The following IMMT variants were observed in gnomAD, a reference collection of about 807,000 sequenced individuals.
IMMT encodes inner membrane mitochondrial protein.
A neutral mutation model predicts 92.7 loss-of-function variants in IMMT; 40 were observed. The observed-to-expected ratio is 0.43, with a 90% CI of 0.34 to 0.56. IMMT has a LOEUF of 0.56. Ranked by LOEUF, IMMT falls within the 20% of genes least tolerant of loss-of-function variation. IMMT has a pLI of 0.03. For missense variants in IMMT, 831 were observed against 912.1 expected, an observed-to-expected ratio of 0.91 and a Z score of 1.14; for synonymous variants, 322 against 336.1, an observed-to-expected ratio of 0.96 and a Z score of 0.46.
rs751732579 is a variant in IMMT at position 86,144,453 on chromosome 2, T to C, written c.2092A>G (p.Ile698Val). Residue 698 changes from isoleucine (I) to valine (V), a missense_variant, in exon 15 of 15, where the codon ATT becomes GTT. By Grantham distance (29) the Ile-to-Val change is conservative (BLOSUM62 3). Transcript: ENST00000410111. The stretch of plus-strand genomic sequence containing the variant: ...GCTAGCTCCAGATCACCATGCTCAA[T>C]GCAATAGGAAGCATATGACAGTAAT... ...FKLLSYASYC[I>V]EHGDLELAAK... 6.2e-7 allele frequency: 1 copy of C among 1,613,996 alleles called. No homozygotes were observed. Among genetic ancestry groups the C allele is most frequent in the South Asian group, 1.1e-5 (1 of 91,076 alleles).
intron 10 of IMMT, among the ~76,000 whole-genome samples, chr2:86,156,233 T>C (rs1675846756): frequency 2.0e-5 from 3 of 152,136 alleles, no homozygotes; most frequent in Admixed American, 2.0e-4. Flanking sequence ...TCTCCCGGTG[T>C]TGCCAAATGT....
chr2:86,178,292 T>A (rs953268160), intron 3 of IMMT, among the ~76,000 whole-genome samples: 15 of 128,998 alleles, frequency 1.2e-4, no homozygotes, highest in Non-Finnish European at 1.4e-4. Context: ...CATTCCAGCC[T>A]GCGTGACACA....
In IMMT at chr2:86,151,358, G is replaced by A; in HGVS notation, c.1340C>T (p.Ser447Phe). 6.2e-7 allele frequency: 1 copy of A among 1,613,968 alleles called. No individual in the cohort carries two copies. The stretch of plus-strand genomic sequence containing the variant: ...ATGTTCTAATGCTTTTGCTACTGCA[G>A]AGTCAAATGCCCGCTTTTCTTCCAG... ...QKLEEKRAFD[S>F]AVAKALEHHR... is the part of the protein sequence containing the mutation. Residue 447 changes from serine (S) to phenylalanine (F), a missense_variant, in exon 12 of 15, where the codon TCT (serine) becomes TTT (phenylalanine). Transcript: ENST00000410111.
At position 86,158,360 on chromosome 2, in the gene IMMT, G is replaced by T. The variant is rs367826535; in HGVS notation, c.1162+232C>A. The T allele has an allele frequency of 2.4e-5, 8 of 339,860 alleles. No individual in the cohort carries two copies. In the East Asian group the frequency reaches 3.9e-4, roughly 17 times the overall value. 21.1% of individuals were successfully genotyped at this position (339,860 alleles called of 1,614,324 possible). A position where few individuals can be genotyped will look rare whatever the true frequency, so the allele number is the denominator to read the frequency against. On this transcript the variant is annotated intron_variant, in intron 10 of 14. Coordinates refer to ENST00000410111, the MANE Select transcript of IMMT (RefSeq NM_006839.3). Reference sequence around the variant, plus strand: ...AAATATCAGAACAGAACCAATCACGGATTATGGAATTAAACACTAGCTGGA... The same window carrying T: ...AAATATCAGAACAGAACCAATCACGTATTATGGAATTAAACACTAGCTGGA...
chr2:86,191,747 CAA>C (rs572412565), intron 1 of IMMT, among the ~76,000 whole-genome samples: 11 of 116,868 alleles, frequency 9.4e-5, no homozygotes, highest in African/African-American at 3.1e-4. Context: ...ACTAAAAATA[CAA>C]AAAAAAAAAA....
At chr2:86,164,010 C>T (rs766218448) in intron 7 of IMMT, among the ~76,000 whole-genome samples, 24 of 138,700 alleles carry the variant, frequency 1.7e-4, no homozygotes, top group East Asian at 2.0e-4. Flanking sequence ...TCTTATGATG[C>T]GAAAAATAAA....
intron 1 of IMMT, among the ~76,000 whole-genome samples, chr2:86,185,916 G>GA (rs1219640487): frequency 1.3e-5 from 2 of 152,174 alleles, no homozygotes; most frequent in East Asian, 3.9e-4. Context: ...CAAGCAGTAG[G>GA]ACTGAGCTCT....
At chr2:86,154,734 T>C (rs955389956) in intron 10 of IMMT, among the ~76,000 whole-genome samples, 1 of 152,220 alleles carries the variant, frequency 6.6e-6, no homozygotes, top group Non-Finnish European at 1.5e-5. Context: ...GCATTCTGTA[T>C]AGTTTGAATG....
chr2:86,191,116 C>T (rs942320440), intron 1 of IMMT, among the ~76,000 whole-genome samples: 4 of 151,452 alleles, frequency 2.6e-5, no homozygotes, highest in Non-Finnish European at 5.9e-5. Flanking sequence ...GAGGCAAAGG[C>T]GGGTGGATTG....
rs1209507587 is a variant in IMMT, at chr2:86,147,701, C to T, written c.1533+1G>A. On this transcript the variant is annotated splice_donor_variant, in intron 13 of 14. Coordinates refer to ENST00000410111, the MANE Select transcript of IMMT (RefSeq NM_006839.3). LOFTEE classifies it high-confidence loss of function. Reference sequence around the variant, plus strand: ...TGGCTGAAGGGAGTCCAGGTCCTCACCTGCTCAAATTCAGACTTCAATTCC... The same window carrying T: ...TGGCTGAAGGGAGTCCAGGTCCTCATCTGCTCAAATTCAGACTTCAATTCC... 6.2e-7 allele frequency: 1 copy of T among 1,612,630 alleles called. No homozygotes were observed. Among genetic ancestry groups the T allele is most frequent in the East Asian group, 2.2e-5 (1 of 44,788 alleles).
intron 9 of IMMT, 106 bp downstream of exon 9, chr2:86,159,430 G>T: frequency 1.0e-6 from 1 of 993,098 alleles, no homozygotes; most frequent in Non-Finnish European, 1.5e-6. Context: ...CTTTGCAGGA[G>T]AAAAGACGGG....
intron 12 of IMMT, among the ~76,000 whole-genome samples, chr2:86,150,934 TTTGA>T (rs1318242545): frequency 6.6e-6 from 1 of 152,016 alleles, no homozygotes. Flanking sequence ...TTTTTTTTTT[TTTGA>T]GACAGTCTTG....
intron 1 of IMMT, among the ~76,000 whole-genome samples, chr2:86,183,640 A>G (rs1218911800): frequency 1.3e-5 from 2 of 150,544 alleles, no homozygotes. Flanking sequence ...TTCTTTCCCC[A>G]GCCACCCCAT....
rs17027014 is a variant in IMMT at position 86,193,563 on chromosome 2, A to G, written c.45+1775T>C. Among the ~76,000 whole-genome samples the G allele has an allele frequency of 7.7e-3, 1,174 of 152,240 alleles. 21 individuals carry two copies. The highest frequency in any genetic ancestry group is 0.026 in the African/African-American group (1,083 of 41,540). On this transcript the variant is annotated intron_variant, in intron 1 of 14. Coordinates refer to ENST00000410111, the MANE Select transcript of IMMT (RefSeq NM_006839.3). The stretch of plus-strand genomic sequence containing the variant: ...GAGTTGATGTAATCTCAAATTAGAG[A>G]GTCTATAAAGAGACAGGAAGAGATG...
At chr2:86,161,736 G>C (rs1303245013) in intron 8 of IMMT, among the ~76,000 whole-genome samples, 1 of 151,702 alleles carries the variant, frequency 6.6e-6, no homozygotes, top group Non-Finnish European at 1.5e-5. Flanking sequence ...GGATGGTCTC[G>C]ATCTCTTGAC....
chr2:86,182,786 G>A (rs1276351357), intron 1 of IMMT, among the ~76,000 whole-genome samples: 1 of 151,774 alleles, frequency 6.6e-6, no homozygotes, highest in Non-Finnish European at 1.5e-5. Context: ...CGGAGGTGGA[G>A]GTTGCAATGA....
Position 86,144,293 on chromosome 2 carries a change from C to G in IMMT, c.2252G>C (p.Gly751Ala). The G allele has an allele frequency of 6.2e-7, 1 of 1,613,940 alleles. No individual in the cohort carries two copies. The highest frequency in any genetic ancestry group is 8.5e-7 in the Non-Finnish European group (1 of 1,179,876). The change falls in exon 15 of 15, where the codon GGA becomes GCA. Residue 751 changes from glycine (G) to alanine (A), a missense_variant. Transcript: ENST00000410111. ...TCACTCTGGCTGCACCTGAGTGGTT[C>G]CTATTCCTACGGCGCTGGCATATGC... ...LTAYASAVGI[G>A]TTQVQPE
intron 1 of IMMT, among the ~76,000 whole-genome samples, chr2:86,181,625 CT>C (rs1252702857): frequency 1.3e-5 from 2 of 151,478 alleles, no homozygotes; most frequent in Non-Finnish European, 2.9e-5. Flanking sequence ...CAATTAGCAC[CT>C]TTAAATAAGT....
chr2:86,156,997 T>G (rs2104820110), intron 10 of IMMT, among the ~76,000 whole-genome samples: 1 of 152,288 alleles, frequency 6.6e-6, no homozygotes, highest in Middle Eastern at 3.4e-3. Flanking sequence ...TCACATCTGT[T>G]TCAATTGTAA....
Sources: gnomAD v4.1 joint callset for allele counts (sites outside exome capture counted in the v4.1 genomes callset) on GRCh38, gnomAD v4.1.1 for gene constraint, MANE v1.5 for transcripts, NCBI Gene and HGNC (gene_info 2026-07-23, HGNC 2026-07-21) for gene names.